Variants in ATXN10 observed in about 807,000 individuals in gnomAD.
ATXN10 encodes the protein ataxin-10.
ATXN10 carries 28 observed loss-of-function variants against 52.9 expected under a neutral mutation model. That is an observed-to-expected ratio of 0.53 (90% CI 0.39 to 0.73). The LOEUF (loss-of-function observed/expected upper bound fraction) is 0.73. Ranked by LOEUF, ATXN10 falls within the 30% of genes least tolerant of loss-of-function variation. The probability of loss-of-function intolerance (pLI) is 0.00; values close to 1 mark genes in which losing one functional copy is unlikely to be tolerated. For synonymous variants in ATXN10, 226 were observed against 221.5 expected (o/e 1.02, Z -0.18); for missense variants, 565 against 577.0 (o/e 0.98, Z 0.21).
At chr22:45,689,306 G>T (rs990310738) in intron 1 of ATXN10, among the ~76,000 whole-genome samples, 1 of 152,214 alleles carries the variant, frequency 6.6e-6, no homozygotes, top group Non-Finnish European at 1.5e-5. Context: ...ATAAGCATGA[G>T]CAGTCACTGG....
In ATXN10 at chr22:45,716,460, C is replaced by T. The variant is rs183151374; in HGVS notation, c.648-1953C>T. Among the ~76,000 whole-genome samples the T allele has an allele frequency of 4.8e-4, 73 of 151,892 alleles. No individual in the cohort carries two copies. In the East Asian group the frequency reaches 0.011, roughly 23 times the overall value. ...AAGTGATTCTCATACCTCTGCCTCC[C>T]GAGTAGTTGGGATTACAGGCATGCA... On this transcript the variant is annotated intron_variant, in intron 5 of 11. Coordinates refer to ENST00000252934, the MANE Select transcript of ATXN10 (RefSeq NM_013236.4).
chr22:45,711,178 T>C (rs1306453181), intron 5 of ATXN10, among the ~76,000 whole-genome samples: 2 of 151,590 alleles, frequency 1.3e-5, no homozygotes, highest in African/African-American at 2.4e-5. Flanking sequence ...AAAATACTAT[T>C]CAGCAATAAA....
Position 45,787,300 on chromosome 22 carries a change from A to C in ATXN10, c.1174-19659A>C, listed in dbSNP as rs1293445689. Among the ~76,000 whole-genome samples the C allele has an allele frequency of 1.3e-5, 2 of 152,124 alleles. No homozygotes were observed. The highest frequency in any genetic ancestry group is 4.8e-5 in the African/African-American group (2 of 41,430). On this transcript the variant is annotated intron_variant, in intron 9 of 11. Transcript: ENST00000252934. The surrounding 1 kb of genome is among the most constrained non-coding windows in gnomAD (Gnocchi z 4.2). ...TTCAGCTGGGCTGCAGTGAGATTTG[A>C]GGGTGACGATCCTCTAGCTGAAATG...
intron 9 of ATXN10, among the ~76,000 whole-genome samples, chr22:45,751,603 G>C (rs1296312172): frequency 6.6e-6 from 1 of 151,862 alleles, no homozygotes; most frequent in Non-Finnish European, 1.5e-5. Context: ...TGAATGTTCA[G>C]GATTTCTATG....
chr22:45,676,364 T>A (rs1465909494), intron 1 of ATXN10: 1 of 151,616 alleles, frequency 6.6e-6, no homozygotes, highest in East Asian at 1.9e-4. Flanking sequence ...AGATGGGTTG[T>A]CATACTCCAT....
chr22:45,736,239 C>T (rs1048066087), intron 7 of ATXN10, among the ~76,000 whole-genome samples: 2 of 152,156 alleles, frequency 1.3e-5, no homozygotes, highest in African/African-American at 4.8e-5. Context: ...CATCACCATT[C>T]TTCTTTCCTC....
rs781548955 is a variant in ATXN10, at chr22:45,784,977, T to C, written c.1174-21982T>C. Among the ~76,000 whole-genome samples the C allele has an allele frequency of 4.6e-5, 7 of 152,230 alleles. No individual in the cohort carries two copies. Among genetic ancestry groups the C allele is most frequent in the African/African-American group, 1.2e-4 (5 of 41,454 alleles). ...CACTGAAGTATGACATTGTAGATGA[T>C]GCATTATGGGTGGGGATTGCACCCC... On this transcript the variant is annotated intron_variant, in intron 9 of 11. Coordinates refer to ENST00000252934, the MANE Select transcript of ATXN10 (RefSeq NM_013236.4). This position sits in a 1 kb window ranked among gnomAD's most constrained non-coding sequence, Gnocchi z 4.2.
intron 1 of ATXN10, chr22:45,679,701 G>A (rs1332917763): frequency 6.6e-6 from 1 of 152,200 alleles, no homozygotes; most frequent in Non-Finnish European, 1.5e-5. Flanking sequence ...TGTTGAGAGA[G>A]AACATCAATT....
At chr22:45,691,588 C>G (rs1923378274) in intron 2 of ATXN10, among the ~76,000 whole-genome samples, 1 of 152,230 alleles carries the variant, frequency 6.6e-6, no homozygotes, top group Admixed American at 6.5e-5. Flanking sequence ...CCTTACTGTT[C>G]TGAGCTTAAG....
At position 45,826,019 on chromosome 22, in the gene ATXN10, GC is replaced by G. The variant is rs1485050059; in HGVS notation, c.1238-16970del. Among the ~76,000 whole-genome samples the G allele has an allele frequency of 1.3e-5, 2 of 152,118 alleles. No individual in the cohort carries two copies. Among genetic ancestry groups the G allele is most frequent in the Non-Finnish European group, 2.9e-5 (2 of 68,026 alleles). On this transcript the variant is annotated intron_variant, in intron 10 of 11. Transcript: ENST00000252934. This position sits in a 1 kb window ranked among gnomAD's most constrained non-coding sequence, Gnocchi z 5.0. ...GGAGGTTGCAATGAGCTGAGATTGT[GC>G]CACTGTGCTGTAGCCTGGGGAACAG...
At position 45,729,530 on chromosome 22, in the gene ATXN10, C is replaced by G; in HGVS notation, c.834C>G (p.Thr278=). 1 of 1,614,140 alleles carries G rather than the reference C, an allele frequency of 6.2e-7. No individual in the cohort carries two copies. Residue 278 remains threonine (T), a synonymous_variant, in exon 7 of 12, where the codon ACC becomes ACG. Transcript: ENST00000252934. ...GGCATGCTGAGTTGATTGCAAGCAC[C>G]TTTGTGGATCAGTGCAAGACTGTGC... ...FLRHAELIAS[T]FVDQCKTVLK...
chr22:45,798,289 G>A (rs1927815470), intron 9 of ATXN10, among the ~76,000 whole-genome samples: 1 of 152,162 alleles, frequency 6.6e-6, no homozygotes, highest in South Asian at 2.1e-4. Context: ...CAAAATATCA[G>A]CAAAGTGGAT....
At chr22:45,812,591 C>A (rs1367037180) in intron 10 of ATXN10, among the ~76,000 whole-genome samples, 1 of 152,112 alleles carries the variant, frequency 6.6e-6, no homozygotes, top group Non-Finnish European at 1.5e-5. Flanking sequence ...TGGTTTAACC[C>A]ATTTTTCTAG....
At chr22:45,702,586 A>C (rs1288042692) in intron 4 of ATXN10, 103 bp from the exon 5 acceptor site, 1 of 1,068,006 alleles carries the variant, frequency 9.4e-7, no homozygotes, top group Non-Finnish European at 1.4e-6. Context: ...CTAAATCCTC[A>C]AAAGTATTAG....
At position 45,690,086 on chromosome 22, in the gene ATXN10, A is replaced by G. The variant is rs1195470212; in HGVS notation, c.308+183A>G. On this transcript the variant is annotated intron_variant, in intron 2 of 11. Transcript: ENST00000252934. This position sits in a 1 kb window ranked among gnomAD's most constrained non-coding sequence, Gnocchi z 4.5. ...CCAGGAGTTCAAGACCGGCCTGGGC[A>G]ACATGGTGAGACCCTGTCTCTACAA... is the stretch of plus-strand genomic sequence containing the variant. Among the ~76,000 whole-genome samples the G allele has an allele frequency of 2.0e-5, 3 of 152,148 alleles. No homozygotes were observed. The highest frequency in any genetic ancestry group is 2.9e-5 in the Non-Finnish European group (2 of 68,030).
chr22:45,685,084 C>G (rs1425153130), intron 1 of ATXN10, among the ~76,000 whole-genome samples: 1 of 126,440 alleles, frequency 7.9e-6, no homozygotes, highest in Non-Finnish European at 1.6e-5. Flanking sequence ...ATTACAATGA[C>G]TAGCATGTAG....
intron 9 of ATXN10, among the ~76,000 whole-genome samples, chr22:45,765,021 A>T (rs1281957504): frequency 1.3e-5 from 2 of 152,230 alleles, no homozygotes; most frequent in African/African-American, 2.4e-5. Flanking sequence ...GGATTATATG[A>T]TAAACTTTCC....
In ATXN10 at chr22:45,790,799, A is replaced by G. The variant is rs373711400; in HGVS notation, c.1174-16160A>G. Among the ~76,000 whole-genome samples, 151 of 152,164 alleles carry G rather than the reference A, an allele frequency of 9.9e-4. No homozygotes were observed. The highest frequency in any genetic ancestry group is 3.4e-3 in the African/African-American group (141 of 41,534). ...ACAGTGCGTTTTCATTCCTCTTTAT[A>G]TCTTTTTATCCTGACCTTCTAGATC... On this transcript the variant is annotated intron_variant, in intron 9 of 11. Coordinates refer to ENST00000252934, the MANE Select transcript of ATXN10 (RefSeq NM_013236.4). This position sits in a 1 kb window ranked among gnomAD's most constrained non-coding sequence, Gnocchi z 4.7.
chr22:45,840,272 C>G lies in ATXN10; in HGVS notation c.1238-2719C>G, dbSNP rs2040879258. Among the ~76,000 whole-genome samples the G allele has an allele frequency of 6.6e-6, 1 of 152,104 alleles. No individual in the cohort carries two copies. Among genetic ancestry groups the G allele is most frequent in the African/African-American group, 2.4e-5 (1 of 41,406 alleles). ...AAGTCAATTAGATGGGGCTCCTGCC[C>G]TCGAGGAACTCACAGACTCATAAGC... On this transcript the variant is annotated intron_variant, in intron 10 of 11. Coordinates refer to ENST00000252934, the MANE Select transcript of ATXN10 (RefSeq NM_013236.4). The surrounding 1 kb of genome is among the most constrained non-coding windows in gnomAD (Gnocchi z 5.8).
Sources: allele counts gnomAD v4.1 joint callset (sites outside exome capture counted in the v4.1 genomes callset), GRCh38; gene constraint gnomAD v4.1.1; non-coding constraint Gnocchi (gnomAD v3.1); transcripts MANE v1.5; gene names NCBI Gene and HGNC (gene_info 2026-07-23, HGNC 2026-07-21).